The following NTN1 variants were observed in gnomAD, a reference collection of about 807,000 sequenced individuals.
The protein encoded by NTN1 is netrin-1.
NTN1 carries 11 observed loss-of-function variants against 54.2 expected under a neutral mutation model. That is an observed-to-expected ratio of 0.20 (90% CI 0.13 to 0.34). The LOEUF is 0.34. Ranked by LOEUF, NTN1 falls within the 10% of genes least tolerant of loss-of-function variation. The pLI is 1.00. For missense variants in NTN1, 740 were observed against 893.1 expected, an observed-to-expected ratio of 0.83 and a Z score of 2.18; for synonymous variants, 371 against 382.0, an observed-to-expected ratio of 0.97 and a Z score of 0.33.
chr17:9,170,528 G>A (rs557495223), intron 3 of NTN1, among the ~76,000 whole-genome samples: 1 of 152,192 alleles, frequency 6.6e-6, no homozygotes, highest in Non-Finnish European at 1.5e-5. Context: ...GGCCCCAGGG[G>A]TTGGCCCTAA....
In NTN1 at chr17:9,159,484, T is replaced by C. The variant is rs1200967520; in HGVS notation, c.1019-3329T>C. 3.3e-5 allele frequency among the ~76,000 whole-genome samples: 5 copies of C among 152,300 alleles called. No individual in the cohort carries two copies. In the East Asian group the frequency reaches 7.7e-4, roughly 24 times the overall value. Reference sequence around the variant, plus strand: ...AGTACAGCCTTTCTTGAGGGCAGTTTGGCAATTTGGTGCCAATGTTAAAAA... The same window carrying C: ...AGTACAGCCTTTCTTGAGGGCAGTTCGGCAATTTGGTGCCAATGTTAAAAA... On this transcript the variant is annotated intron_variant, in intron 2 of 6. Coordinates refer to ENST00000173229, the MANE Select transcript of NTN1 (RefSeq NM_004822.3).
intron 5 of NTN1, among the ~76,000 whole-genome samples, chr17:9,204,222 T>TC (rs368689218): frequency 6.6e-6 from 1 of 151,468 alleles, no homozygotes; most frequent in African/African-American, 2.4e-5. Flanking sequence ...CTTCCTTCCT[T>TC]TTCTTTCTCT....
chr17:9,209,877 C>G (rs1016066254), intron 5 of NTN1, among the ~76,000 whole-genome samples: 2 of 152,054 alleles, frequency 1.3e-5, no homozygotes, highest in African/African-American at 4.8e-5. Context: ...AACCATGGTA[C>G]GGAGTGGAGA....
chr17:9,113,188 T>C (rs2092198558), intron 2 of NTN1, among the ~76,000 whole-genome samples: 1 of 151,738 alleles, frequency 6.6e-6, no homozygotes, highest in African/African-American at 2.4e-5. Flanking sequence ...CACGCCTGGC[T>C]AATTTTTGTA....
chr17:9,064,526 C>T (rs1349225874), intron 2 of NTN1, among the ~76,000 whole-genome samples: 1 of 152,180 alleles, frequency 6.6e-6, no homozygotes, highest in Non-Finnish European at 1.5e-5. Flanking sequence ...CTTTTTCTTT[C>T]ACTCCCCCAT....
chr17:9,048,951 C>T (rs75281346), intron 2 of NTN1, among the ~76,000 whole-genome samples: 55 of 152,252 alleles, frequency 3.6e-4, no homozygotes, highest in African/African-American at 1.2e-3. Context: ...CCACCGCGCC[C>T]GGCGGAAAAT....
chr17:9,066,676 C>T (rs1466281446), intron 2 of NTN1, among the ~76,000 whole-genome samples: 1 of 151,276 alleles, frequency 6.6e-6, no homozygotes, highest in Non-Finnish European at 1.5e-5. Context: ...AGAACTTAAC[C>T]ATGGATCATG....
chr17:9,143,888 C>A (rs2092305390), intron 2 of NTN1, among the ~76,000 whole-genome samples: 1 of 151,304 alleles, frequency 6.6e-6, no homozygotes, highest in Non-Finnish European at 1.5e-5. Context: ...CCTAAATACA[C>A]CTTTACCTGC....
At chr17:9,156,218 G>A (rs2092341661) in intron 2 of NTN1, among the ~76,000 whole-genome samples, 2 of 150,936 alleles carry the variant, frequency 1.3e-5, no homozygotes, top group East Asian at 2.0e-4. Context: ...TGCAGCCTGC[G>A]ATGGTGCCTG....
chr17:9,079,945 A>G (rs534966842), intron 2 of NTN1, among the ~76,000 whole-genome samples: 39 of 121,206 alleles, frequency 3.2e-4, no homozygotes, highest in African/African-American at 1.3e-3. Flanking sequence ...TTTCCTGACC[A>G]CCAAGGAAGT....
intron 2 of NTN1, among the ~76,000 whole-genome samples, chr17:9,116,477 T>C (rs1567714334): frequency 6.6e-6 from 1 of 152,212 alleles, no homozygotes. Context: ...GAGGGCACCC[T>C]TCTGAGGCCC....
Position 9,215,286 on chromosome 17 carries a change from CACAT to C in NTN1, c.1412-5878_1412-5875del, listed in dbSNP as rs1449593212. On this transcript the variant is annotated intron_variant, in intron 5 of 6. Coordinates refer to ENST00000173229, the MANE Select transcript of NTN1 (RefSeq NM_004822.3). ...ACACACACACACACACACACACACA[CACAT>C]ACACACATGGGGACAGAGAAGGAGA... 1.7e-4 allele frequency among the ~76,000 whole-genome samples: 17 copies of C among 101,484 alleles called. No homozygotes were observed. The South Asian group carries it at 4.5e-3, about 27-fold the overall frequency. The allele number at this position is 101,484 out of a possible 152,430, so 66.6% of individuals were successfully genotyped here. A position where few individuals can be genotyped will look rare whatever the true frequency, so the allele number is the denominator to read the frequency against.
chr17:9,122,955 T>G (rs1276391788), intron 2 of NTN1, among the ~76,000 whole-genome samples: 1 of 152,160 alleles, frequency 6.6e-6, no homozygotes, highest in East Asian at 1.9e-4. Context: ...AATTTGGACA[T>G]TTTGCTGTTT....
chr17:9,090,100 C>T (rs1009061931), intron 2 of NTN1, among the ~76,000 whole-genome samples: 86 of 151,592 alleles, frequency 5.7e-4, no homozygotes, highest in South Asian at 3.1e-3. Flanking sequence ...ATGGTGTTGA[C>T]GCCTGTCTCC....
intron 2 of NTN1, among the ~76,000 whole-genome samples, chr17:9,136,499 C>T (rs1249682584): frequency 6.6e-6 from 1 of 152,138 alleles, no homozygotes; most frequent in Non-Finnish European, 1.5e-5. Flanking sequence ...ATTGCTTGAA[C>T]CCGGGAGGCA....
chr17:9,006,355 T>C, the NTN1 span, among the ~76,000 whole-genome samples: 1 of 152,176 alleles, frequency 6.6e-6, no homozygotes, highest in Non-Finnish European at 1.5e-5. Flanking sequence ...TGCGAGTCGC[T>C]GAGACTATCC....
chr17:9,203,597 G>A (rs1439383582), intron 5 of NTN1, among the ~76,000 whole-genome samples: 1 of 152,010 alleles, frequency 6.6e-6, no homozygotes, highest in Non-Finnish European at 1.5e-5. Context: ...TCAGGAGCTT[G>A]AGAGCAGCCT....
rs192085824 is a variant in NTN1, at chr17:9,220,559, A to G, written c.1412-609A>G. Among the ~76,000 whole-genome samples the G allele has an allele frequency of 1.4e-4, 21 of 152,166 alleles. No individual in the cohort carries two copies. The East Asian group carries it at 4.1e-3, about 30-fold the overall frequency. On this transcript the variant is annotated intron_variant, in intron 5 of 6. Coordinates refer to ENST00000173229, the MANE Select transcript of NTN1 (RefSeq NM_004822.3). ...TTGGGCCCTGGAATCCCCCAGTGATACCCAGTGGACGCAGGCCTAGCAGCC... is the reference window on the plus strand; with the variant it reads ...TTGGGCCCTGGAATCCCCCAGTGATGCCCAGTGGACGCAGGCCTAGCAGCC...
chr17:9,167,662 G>A (rs1287864948), intron 3 of NTN1, among the ~76,000 whole-genome samples: 5 of 152,170 alleles, frequency 3.3e-5, no homozygotes, highest in South Asian at 4.1e-4. Context: ...GCATGCAATC[G>A]TCCTCACATC....
Sources: allele counts gnomAD v4.1 joint callset (sites outside exome capture counted in the v4.1 genomes callset), GRCh38; gene constraint gnomAD v4.1.1; transcripts MANE v1.5; gene names NCBI Gene and HGNC (gene_info 2026-07-23, HGNC 2026-07-21).